The following DLGAP2 variants were observed in gnomAD, a reference collection of about 807,000 sequenced individuals.
The protein encoded by DLGAP2 is DLG associated protein 2, also known as disks large-associated protein 2.
In DLGAP2, 26 loss-of-function variants were observed where a neutral mutation model predicts 100.3. The ratio of observed to expected loss-of-function variants is 0.26; its 90% CI spans 0.19 to 0.36. The LOEUF is 0.36. Among genes scored for constraint, DLGAP2 ranks in the 10% least tolerant of loss-of-function variants. DLGAP2 has a pLI of 1.00. For synonymous variants in DLGAP2, 886 were observed against 630.1 expected (o/e 1.41, Z -6.08); for missense variants, 1,858 against 1,453.2 (o/e 1.28, Z -4.53).
intron 6 of DLGAP2, among the ~76,000 whole-genome samples, chr8:1,608,215 C>G (rs1234803468): frequency 9.7e-5 from 12 of 124,262 alleles, no homozygotes; most frequent in African/African-American, 1.4e-4. Context: ...ACTGCCTCCT[C>G]AAGTGGGTCC....
At chr8:1,464,253 G>T (rs1278509241) in intron 3 of DLGAP2, among the ~76,000 whole-genome samples, 1 of 62,292 alleles carries the variant, frequency 1.6e-5, no homozygotes, top group Middle Eastern at 8.1e-3. Context: ...TTCCAGGACG[G>T]CTCCCTTCCA....
At chr8:1,626,975 G>T in intron 7 of DLGAP2, 88 bp downstream of exon 7, 2 of 1,467,962 alleles carry the variant, frequency 1.4e-6, no homozygotes, top group South Asian at 1.3e-5. Context: ...TGGCGATGGC[G>T]CTGCCCTCCT....
At chr8:998,596 C>A (rs1210785132) in intron 2 of DLGAP2, among the ~76,000 whole-genome samples, 2 of 152,118 alleles carry the variant, frequency 1.3e-5, no homozygotes, top group African/African-American at 2.4e-5. Context: ...AGCCACCATG[C>A]CTGACCTCAT....
At chr8:1,082,775 A>G (rs1256312543) in intron 2 of DLGAP2, among the ~76,000 whole-genome samples, 3 of 152,212 alleles carry the variant, frequency 2.0e-5, no homozygotes, top group African/African-American at 4.8e-5. Flanking sequence ...ACAAAACACT[A>G]CTTTGTGGAG....
chr8:1,042,562 T>A (rs1243553622), intron 2 of DLGAP2, among the ~76,000 whole-genome samples: 2 of 152,058 alleles, frequency 1.3e-5, no homozygotes, highest in African/African-American at 4.8e-5. Context: ...ACCGCCGGTA[T>A]TGAGTGATGC....
In DLGAP2 at chr8:1,700,233, G is replaced by C. The variant is rs144741277; in HGVS notation, c.2950-955G>C. Among the ~76,000 whole-genome samples, 169 of 152,320 alleles carry C rather than the reference G, an allele frequency of 1.1e-3. 2 individuals carry two copies. The highest frequency in any genetic ancestry group is 3.8e-3 in the African/African-American group (156 of 41,576). On this transcript the variant is annotated intron_variant, in intron 14 of 14. Coordinates refer to ENST00000637795, the MANE Select transcript of DLGAP2 (RefSeq NM_001346810.2). ...ATTTTTCAGAGGCTGAAGAGAAAAA[G>C]ACATGAGTGGAGTTTTCCTGTTTTT...
intron 2 of DLGAP2, among the ~76,000 whole-genome samples, chr8:1,162,365 G>A (rs535689785): frequency 1.3e-5 from 2 of 152,316 alleles, no homozygotes; most frequent in African/African-American, 2.4e-5. Context: ...AACACACACT[G>A]GTGGTGGAGA....
intron 2 of DLGAP2, among the ~76,000 whole-genome samples, chr8:1,206,984 C>T (rs922670018): frequency 6.6e-5 from 10 of 152,210 alleles, no homozygotes; most frequent in Admixed American, 4.6e-4. Context: ...CCTGCCCACC[C>T]TCCCAGAGAG....
intron 1 of DLGAP2, among the ~76,000 whole-genome samples, chr8:740,908 A>T (rs1005590743): frequency 2.6e-5 from 4 of 152,226 alleles, no homozygotes; most frequent in Admixed American, 2.0e-4. Context: ...TACAATAAAA[A>T]TAACTATGAT....
chr8:1,296,743 C>T (rs13271025), intron 3 of DLGAP2, among the ~76,000 whole-genome samples: 18,878 of 152,154 alleles, frequency 0.12, 1,504 homozygotes, highest in East Asian at 0.24. Flanking sequence ...GGTTCGCTTG[C>T]GGGAAACGTG....
intron 7 of DLGAP2, among the ~76,000 whole-genome samples, chr8:1,629,930 A>G (rs1797601853): frequency 6.6e-6 from 1 of 152,202 alleles, no homozygotes; most frequent in Non-Finnish European, 1.5e-5. Flanking sequence ...TGATGAACCC[A>G]AGATGGTATC....
intron 1 of DLGAP2, among the ~76,000 whole-genome samples, chr8:758,366 G>C (rs1820973764): frequency 6.6e-6 from 1 of 151,988 alleles, no homozygotes; most frequent in Non-Finnish European, 1.5e-5. Context: ...TGCTTATCAG[G>C]TTGTATTTAA....
intron 1 of DLGAP2, among the ~76,000 whole-genome samples, chr8:837,038 A>G (rs1478089686): frequency 6.6e-6 from 1 of 152,244 alleles, no homozygotes; most frequent in Non-Finnish European, 1.5e-5. Flanking sequence ...TTCTGGAGCC[A>G]GATTCCCGGG....
chr8:758,347 C>T (rs1585831259), intron 1 of DLGAP2, among the ~76,000 whole-genome samples: 1 of 152,152 alleles, frequency 6.6e-6, no homozygotes, highest in Non-Finnish European at 1.5e-5. Context: ...TACCTCGTTT[C>T]CCTGTTATTG....
intron 3 of DLGAP2, among the ~76,000 whole-genome samples, chr8:1,416,336 G>A (rs576949138): frequency 3.3e-5 from 5 of 152,318 alleles, no homozygotes; most frequent in East Asian, 1.9e-4. Context: ...CCAGGTGTCC[G>A]CCTTCGTATT....
At chr8:1,548,484 A>AAAAAAC (rs397734475) in intron 4 of DLGAP2, 142 bp from the exon 5 acceptor site, 2 of 510,092 alleles carry the variant, frequency 3.9e-6, no homozygotes, top group African/African-American at 2.2e-5. Context: ...AAAAAAAAAA[A>AAAAAAC]CCCACAAATC....
chr8:1,509,605 C>G (rs568947509), intron 4 of DLGAP2, among the ~76,000 whole-genome samples: 23 of 152,092 alleles, frequency 1.5e-4, no homozygotes, highest in African/African-American at 5.5e-4. Flanking sequence ...GTCGTGGGTT[C>G]TCAGAGGCAG....
chr8:1,216,503 T>A (rs1397566253), intron 2 of DLGAP2, among the ~76,000 whole-genome samples: 1 of 151,746 alleles, frequency 6.6e-6, no homozygotes, highest in Admixed American at 6.6e-5. Context: ...TGGCTAATTT[T>A]TTTTTTCAAT....
chr8:1,281,837 C>T (rs912045300), intron 3 of DLGAP2, among the ~76,000 whole-genome samples: 57 of 152,292 alleles, frequency 3.7e-4, no homozygotes, highest in East Asian at 5.8e-4. Flanking sequence ...GTTTGATTTG[C>T]GACGTGGCTC....
Sources: allele counts gnomAD v4.1 joint callset (sites outside exome capture counted in the v4.1 genomes callset), GRCh38; gene constraint gnomAD v4.1.1; transcripts MANE v1.5; gene names NCBI Gene and HGNC (gene_info 2026-07-23, HGNC 2026-07-21).